The following TENM3 variants were observed in gnomAD, a reference collection of about 807,000 sequenced individuals.
The protein encoded by TENM3 is teneurin-3.
In TENM3, 63 loss-of-function variants were observed where a neutral mutation model predicts 255.1. The ratio of observed to expected loss-of-function variants is 0.25; its 90% confidence interval spans 0.20 to 0.30. TENM3 has a LOEUF of 0.30. Ranked by LOEUF, TENM3 falls within the 10% of genes least tolerant of loss-of-function variation. The pLI is 1.00. For synonymous variants in TENM3, 1,306 were observed against 1,322.3 expected, an observed-to-expected ratio of 0.99 and a Z score of 0.27; for missense variants, 2,929 against 3,461.1, an observed-to-expected ratio of 0.85 and a Z score of 3.86.
chr4:182,114,694 G>A, the TENM3 span, among the ~76,000 whole-genome samples: 1 of 152,068 alleles, frequency 6.6e-6, no homozygotes, highest in Non-Finnish European at 1.5e-5. Context: ...AGAGCCAGGT[G>A]GGTACTATTG....
In TENM3 at chr4:182,730,330, C is replaced by A. The variant is rs368740598; in HGVS notation, c.2705+11C>A. 10 of 1,612,994 alleles carry A rather than the reference C, an allele frequency of 6.2e-6. No individual in the cohort carries two copies. The African/African-American group carries it at 1.3e-4, about 22-fold the overall frequency. Reference sequence around the variant, plus strand: ...CCGCCAGGACGGAATGTGAGTTAGTCCCATCACACTATCTCTGAAGGATTT... The same window carrying A: ...CCGCCAGGACGGAATGTGAGTTAGTACCATCACACTATCTCTGAAGGATTT... On this transcript the variant is annotated intron_variant, in intron 15 of 27. Coordinates refer to ENST00000511685, the MANE Select transcript of TENM3 (RefSeq NM_001080477.4).
chr4:182,769,393 A>G (rs1763984683), intron 22 of TENM3, among the ~76,000 whole-genome samples: 1 of 151,900 alleles, frequency 6.6e-6, no homozygotes, highest in African/African-American at 2.4e-5. Flanking sequence ...ATAGGTGCTA[A>G]TCTGTGAAAA....
the TENM3 span, among the ~76,000 whole-genome samples, chr4:181,826,971 G>A: frequency 6.6e-6 from 1 of 152,228 alleles, no homozygotes; most frequent in East Asian, 1.9e-4. Flanking sequence ...TGCAGAAATG[G>A]CAAGAATTCA....
chr4:181,768,025 C>T, the TENM3 span, among the ~76,000 whole-genome samples: 2 of 152,134 alleles, frequency 1.3e-5, no homozygotes, highest in African/African-American at 4.8e-5. Flanking sequence ...AATGGCTATT[C>T]AACTGAAAAC....
chr4:181,468,012 A>G, the TENM3 span, among the ~76,000 whole-genome samples: 2 of 151,708 alleles, frequency 1.3e-5, no homozygotes, highest in Non-Finnish European at 2.9e-5. Context: ...AATAAGAAAA[A>G]AGGCCTGGTG....
intron 2 of TENM3, among the ~76,000 whole-genome samples, chr4:182,324,835 C>G (rs150074758): frequency 2.0e-5 from 3 of 152,274 alleles, no homozygotes; most frequent in African/African-American, 7.2e-5. Context: ...TTCCTAGTTT[C>G]CCACAATGTA....
chr4:182,504,427 G>A (rs1736613852), intron 3 of TENM3, among the ~76,000 whole-genome samples: 1 of 135,682 alleles, frequency 7.4e-6, no homozygotes. Context: ...AGATTTGATT[G>A]GGATGTTTCT....
At chr4:182,080,577 T>C in the TENM3 span, among the ~76,000 whole-genome samples, 1 of 152,240 alleles carries the variant, frequency 6.6e-6, no homozygotes, top group Non-Finnish European at 1.5e-5. Context: ...AAAATGTATG[T>C]ACTTCTAAAT....
In TENM3 at chr4:182,236,566, T is replaced by G. The variant is rs182274746; in HGVS notation, c.-75-87380T>G. On this transcript the variant is annotated intron_variant, in intron 1 of 2. Transcript: ENST00000512480. ...GACCATACAAACTTGTTTTTCCCAG[T>G]GTAGACGTTAAATAATTTAATGGGA... Among the ~76,000 whole-genome samples, 5 of 152,346 alleles carry G rather than the reference T, an allele frequency of 3.3e-5. No homozygotes were observed. In the East Asian group the frequency reaches 9.6e-4, roughly 29 times the overall value.
the TENM3 span, among the ~76,000 whole-genome samples, chr4:181,509,643 C>T: frequency 6.6e-6 from 1 of 152,162 alleles, no homozygotes; most frequent in African/African-American, 2.4e-5. Context: ...AAGGATTGAA[C>T]AGAACTTGAC....
the TENM3 span, among the ~76,000 whole-genome samples, chr4:181,515,666 G>A: frequency 6.6e-6 from 1 of 152,022 alleles, no homozygotes. Context: ...AAATATTCAT[G>A]TCCTAATACT....
At chr4:181,893,982 A>G in the TENM3 span, among the ~76,000 whole-genome samples, 623 of 152,244 alleles carry the variant, frequency 4.1e-3, 8 homozygotes, top group African/African-American at 0.014. Context: ...TTTTATATGT[A>G]GGAGGGAAAA....
the TENM3 span, among the ~76,000 whole-genome samples, chr4:182,129,854 A>G: frequency 7.9e-5 from 12 of 152,278 alleles, no homozygotes; most frequent in African/African-American, 2.4e-4. Flanking sequence ...TTAAAACTAT[A>G]ACACTATAGT....
intron 1 of TENM3, among the ~76,000 whole-genome samples, chr4:182,228,921 C>G (rs949403470): frequency 1.3e-5 from 2 of 152,072 alleles, no homozygotes; most frequent in Non-Finnish European, 2.9e-5. Flanking sequence ...GGTTTAGAAG[C>G]CTGAAGTTTT....
At chr4:182,629,562 G>A (rs544198111) in intron 5 of TENM3, among the ~76,000 whole-genome samples, 4 of 152,008 alleles carry the variant, frequency 2.6e-5, no homozygotes, top group East Asian at 1.9e-4. Context: ...ACTGGAAATC[G>A]CTTTTTAAAA....
At chr4:182,136,876 T>A in the TENM3 span, among the ~76,000 whole-genome samples, 1 of 152,212 alleles carries the variant, frequency 6.6e-6, no homozygotes, top group East Asian at 1.9e-4. Flanking sequence ...TCTTAAATAT[T>A]TTTCAAAGTG....
At chr4:181,894,296 A>C in the TENM3 span, among the ~76,000 whole-genome samples, 1 of 152,282 alleles carries the variant, frequency 6.6e-6, no homozygotes, top group East Asian at 1.9e-4. Flanking sequence ...CCGTAATTAC[A>C]TGAGGGCTAG....
chr4:182,621,617 A>AACAT (rs756444770), intron 4 of TENM3, among the ~76,000 whole-genome samples: 1 of 102,392 alleles, frequency 9.8e-6, no homozygotes, highest in Non-Finnish European at 1.9e-5. Context: ...ATATATAAAT[A>AACAT]TATATATAAA....
At chr4:181,821,070 C>T in the TENM3 span, among the ~76,000 whole-genome samples, 1 of 152,192 alleles carries the variant, frequency 6.6e-6, no homozygotes, top group Non-Finnish European at 1.5e-5. Context: ...GAGAGAGCCA[C>T]TCCTGCCCAC....
Sources: gnomAD v4.1 joint callset for allele counts (sites outside exome capture counted in the v4.1 genomes callset) on GRCh38, gnomAD v4.1.1 for gene constraint, MANE v1.5 for transcripts, NCBI Gene and HGNC (gene_info 2026-07-23, HGNC 2026-07-21) for gene names.